The following GALNT17 variants were observed in gnomAD, a reference collection of about 807,000 sequenced individuals.
GALNT17 encodes UDP-GalNAc:polypeptide N-acetylgalactosaminyltransferase-like 3.
A neutral mutation model predicts 63.7 loss-of-function variants in GALNT17; 29 were observed. That is an observed-to-expected ratio of 0.46 (90% CI 0.34 to 0.62). The LOEUF is 0.62. Ranked by LOEUF, GALNT17 falls within the 20% of genes least tolerant of loss-of-function variation. The pLI is 0.01. For missense variants in GALNT17, 603 were observed against 799.6 expected, an observed-to-expected ratio of 0.75 and a Z score of 2.97; for synonymous variants, 305 against 318.3, an observed-to-expected ratio of 0.96 and a Z score of 0.45.
At chr7:71,690,610 G>A (rs545210959) in intron 9 of GALNT17, among the ~76,000 whole-genome samples, 1 of 152,270 alleles carries the variant, frequency 6.6e-6, no homozygotes, top group African/African-American at 2.4e-5. Flanking sequence ...CAAAGTCCAT[G>A]GAAAGCTTTT....
intron 6 of GALNT17, among the ~76,000 whole-genome samples, chr7:71,616,758 TA>T (rs1790211062): frequency 4.6e-5 from 2 of 43,910 alleles, no homozygotes; most frequent in African/African-American, 9.6e-5. Flanking sequence ...ATTATATTTA[TA>T]TGTTATATAT....
At chr7:71,471,083 G>GT (rs939969407) in intron 5 of GALNT17, among the ~76,000 whole-genome samples, 18 of 150,900 alleles carry the variant, frequency 1.2e-4, no homozygotes, top group African/African-American at 4.4e-4. Flanking sequence ...TTCTGTTTTT[G>GT]TTTTTTTTCT....
intron 5 of GALNT17, among the ~76,000 whole-genome samples, chr7:71,556,725 ATTTTGTTTTG>A (rs1211673476): frequency 1.3e-5 from 2 of 151,116 alleles, no homozygotes; most frequent in South Asian, 2.1e-4. Context: ...ACACCCAGCT[ATTTTGTTTTG>A]TTTTGTTTTG....
chr7:71,235,929 C>A (rs1383992231), intron 1 of GALNT17, among the ~76,000 whole-genome samples: 1 of 152,198 alleles, frequency 6.6e-6, no homozygotes, highest in Non-Finnish European at 1.5e-5. Context: ...CCTTTAATCC[C>A]AGCACTTTGG....
chr7:71,517,424 A>C (rs1788462344), intron 5 of GALNT17, among the ~76,000 whole-genome samples: 1 of 152,192 alleles, frequency 6.6e-6, no homozygotes, highest in Non-Finnish European at 1.5e-5. Context: ...ATTTTGGAGC[A>C]CACAAACACT....
chr7:71,539,486 G>C (rs1562682158), intron 5 of GALNT17, among the ~76,000 whole-genome samples: 1 of 152,128 alleles, frequency 6.6e-6, no homozygotes, highest in African/African-American at 2.4e-5. Context: ...CCTTTACAAA[G>C]ATGTGTGTGC....
intron 5 of GALNT17, among the ~76,000 whole-genome samples, chr7:71,529,876 C>G (rs1225993137): frequency 1.3e-5 from 2 of 152,128 alleles, no homozygotes; most frequent in Admixed American, 6.5e-5. Context: ...TTCATTGTTA[C>G]AAAAGAGTTG....
intron 2 of GALNT17, among the ~76,000 whole-genome samples, chr7:71,376,545 A>C (rs1400296227): frequency 7.2e-6 from 1 of 139,450 alleles, no homozygotes; most frequent in Non-Finnish European, 1.5e-5. Flanking sequence ...CTGCTCCCGT[A>C]TGTGTGCGAG....
At chr7:71,493,421 G>T (rs1788042219) in intron 5 of GALNT17, among the ~76,000 whole-genome samples, 1 of 152,156 alleles carries the variant, frequency 6.6e-6, no homozygotes, top group South Asian at 2.1e-4. Flanking sequence ...ACATACTTAA[G>T]ACTGGGTAAT....
intron 2 of GALNT17, among the ~76,000 whole-genome samples, chr7:71,353,615 G>A (rs1792226493): frequency 6.6e-6 from 1 of 152,142 alleles, no homozygotes; most frequent in South Asian, 2.1e-4. Context: ...GATTCAGAAT[G>A]TGCTTTTGTG....
intron 1 of GALNT17, among the ~76,000 whole-genome samples, chr7:71,150,808 A>G (rs114357191): frequency 0.01 from 1,572 of 151,502 alleles, 21 homozygotes; most frequent in African/African-American, 0.034. Flanking sequence ...TTACCTTTCA[A>G]TGATGGCCTT....
chr7:71,239,416 G>T (rs981957327), intron 1 of GALNT17, among the ~76,000 whole-genome samples: 1 of 152,182 alleles, frequency 6.6e-6, no homozygotes, highest in African/African-American at 2.4e-5. Context: ...AGGCTGCAGT[G>T]AGCTATGATT....
At chr7:71,596,436 G>A (rs79638101) in intron 6 of GALNT17, among the ~76,000 whole-genome samples, 3,880 of 152,150 alleles carry the variant, frequency 0.026, 67 homozygotes, top group Non-Finnish European at 0.038. Context: ...GAGAGTTAAA[G>A]GATTATCGAT....
At chr7:71,460,640 A>G (rs1328963975) in intron 5 of GALNT17, among the ~76,000 whole-genome samples, 1 of 152,230 alleles carries the variant, frequency 6.6e-6, no homozygotes, top group Non-Finnish European at 1.5e-5. Context: ...AAGTTTATTA[A>G]GAGAGTGGAG....
At chr7:71,413,762 G>A (rs1793474420) in intron 3 of GALNT17, among the ~76,000 whole-genome samples, 1 of 152,156 alleles carries the variant, frequency 6.6e-6, no homozygotes, top group South Asian at 2.1e-4. Context: ...ATCTTATAAA[G>A]TCCAGAATCA....
chr7:71,431,180 C>T (rs980887090), intron 5 of GALNT17, among the ~76,000 whole-genome samples: 8 of 151,160 alleles, frequency 5.3e-5, no homozygotes, highest in African/African-American at 1.7e-4. Context: ...TCATTCTCAC[C>T]CTATGAGTAT....
intron 1 of GALNT17, among the ~76,000 whole-genome samples, chr7:71,184,983 C>CCTT (rs1788814719): frequency 1.6e-5 from 2 of 125,628 alleles, no homozygotes; most frequent in Non-Finnish European, 3.2e-5. Flanking sequence ...TTCCTTCCTT[C>CCTT]CTTCCTTCCT....
At chr7:71,259,546 G>C (rs1790344636) in intron 1 of GALNT17, among the ~76,000 whole-genome samples, 1 of 152,002 alleles carries the variant, frequency 6.6e-6, no homozygotes, top group Admixed American at 6.5e-5. Context: ...GTGCTTAGTG[G>C]ACAGTGTCAC....
At chr7:71,300,256 G>A in intron 1 of GALNT17, 1 of 295,408 alleles carries the variant, frequency 3.4e-6, no homozygotes, top group Non-Finnish European at 6.8e-6. Context: ...TTAGGTTGAA[G>A]GAATGTGTGC....
Sources: allele counts gnomAD v4.1 joint callset (sites outside exome capture counted in the v4.1 genomes callset), GRCh38; gene constraint gnomAD v4.1.1; transcripts MANE v1.5; gene names NCBI Gene and HGNC (gene_info 2026-07-23, HGNC 2026-07-21).